CNTN6: variants seen among roughly 807,000 people sequenced by gnomAD.
CNTN6 encodes contactin 6, also known as contactin-6.
CNTN6 carries 137 observed loss-of-function variants against 122.8 expected under a neutral mutation model. The observed-to-expected ratio is 1.12, with a 90% confidence interval of 0.97 to 1.29. The LOEUF is 1.29. CNTN6 is among the 50% of genes most tolerant of loss of function. The pLI, the probability that CNTN6 is intolerant of heterozygous loss-of-function variation, is 0.00. For missense variants in CNTN6, 1,634 were observed against 1,223.4 expected, an observed-to-expected ratio of 1.34 and a Z score of -5.01; for synonymous variants, 570 against 426.0, an observed-to-expected ratio of 1.34 and a Z score of -4.16.
Position 1,228,291 on chromosome 3 carries a change from ATTCTTT to A in CNTN6, c.358+312_358+317del, listed in dbSNP as rs576589374. Among the ~76,000 whole-genome samples the A allele has an allele frequency of 3.1e-4, 47 of 152,262 alleles. 1 individual carries two copies. In the South Asian group the frequency reaches 7.9e-3, roughly 26 times the overall value. On this transcript the variant is annotated intron_variant, in intron 4 of 22. Transcript: ENST00000446702. Reference sequence around the variant, plus strand: ...TTAAGATAAAGATGTATGATATAGCATTCTTTTTCTTTTTCTTTTGCATTGGATATT... The same window carrying A: ...TTAAGATAAAGATGTATGATATAGCATTCTTTTTCTTTTGCATTGGATATT...
At position 1,353,401 on chromosome 3, in the gene CNTN6, A is replaced by G. The variant is rs974663032; in HGVS notation, c.1492+950A>G. On this transcript the variant is annotated intron_variant, in intron 12 of 22. Coordinates refer to ENST00000446702, the MANE Select transcript of CNTN6 (RefSeq NM_001289080.2). ...AAACACCCACCTTTGAGCCTGGAAG[A>G]TATTTCTGCCAACTTGTCTCAAGCG... Among the ~76,000 whole-genome samples the G allele has an allele frequency of 2.0e-5, 3 of 151,742 alleles. No homozygotes were observed. In the South Asian group the frequency reaches 6.2e-4, roughly 31 times the overall value.
At chr3:1,377,602 T>C (rs1710065170) in intron 17 of CNTN6, among the ~76,000 whole-genome samples, 1 of 152,208 alleles carries the variant, frequency 6.6e-6, no homozygotes, top group Non-Finnish European at 1.5e-5. Context: ...TGTGTACACT[T>C]CAAACTGGAG....
At chr3:1,130,526 G>A (rs973123371) in intron 1 of CNTN6, among the ~76,000 whole-genome samples, 4 of 152,200 alleles carry the variant, frequency 2.6e-5, no homozygotes, top group Middle Eastern at 3.4e-3. Flanking sequence ...CCTGAGCATT[G>A]TTCTGCACCA....
In CNTN6 at chr3:1,112,816, A is replaced by G. The variant is rs148040291; in HGVS notation, c.-83+19696A>G. On this transcript the variant is annotated intron_variant, in intron 1 of 22. Transcript: ENST00000446702. The stretch of plus-strand genomic sequence containing the variant: ...GTGTGAACCAAATTTCCAAGGGGCC[A>G]GACTCCCAGGCAGGTCACATAAATA... Among the ~76,000 whole-genome samples, 464 of 152,280 alleles carry G rather than the reference A, an allele frequency of 3.0e-3. 2 individuals are homozygous for G. The highest frequency in any genetic ancestry group is 0.011 in the African/African-American group (445 of 41,576).
intron 12 of CNTN6, among the ~76,000 whole-genome samples, chr3:1,368,349 T>A (rs1353625548): frequency 1.3e-5 from 2 of 152,164 alleles, no homozygotes; most frequent in East Asian, 1.9e-4. Context: ...TAAAACAGAT[T>A]TGTATAAAGA....
chr3:1,334,770 C>A (rs1304191089), intron 11 of CNTN6, among the ~76,000 whole-genome samples: 1 of 151,972 alleles, frequency 6.6e-6, no homozygotes, highest in Non-Finnish European at 1.5e-5. Context: ...CCACCACAAA[C>A]CTGGAATATA....
chr3:1,255,050 T>C (rs946984890), intron 4 of CNTN6, among the ~76,000 whole-genome samples: 2 of 152,152 alleles, frequency 1.3e-5, no homozygotes, highest in Non-Finnish European at 2.9e-5. Context: ...CTTCTGCACA[T>C]GGCCTCTCAT....
intron 1 of CNTN6, among the ~76,000 whole-genome samples, chr3:1,122,841 A>G (rs2092013671): frequency 1.3e-5 from 2 of 151,816 alleles, no homozygotes; most frequent in South Asian, 4.1e-4. Context: ...TTTGTTTGTT[A>G]GTTGAGCATT....
Position 1,292,457 on chromosome 3 carries a change from C to T in CNTN6, c.455-3144C>T, listed in dbSNP as rs138705212. On this transcript the variant is annotated intron_variant, in intron 5 of 22. Transcript: ENST00000446702. ...ACAAAATATTTCAGTCAATTGCATG[C>T]GTCATTTGGAGGGTGTCGAAAACAC... Among the ~76,000 whole-genome samples the T allele has an allele frequency of 3.5e-3, 537 of 152,146 alleles. 1 individual carries two copies. Among genetic ancestry groups the T allele is most frequent in the African/African-American group, 0.012 (492 of 41,516 alleles).
At chr3:1,346,905 C>T (rs11928188) in intron 11 of CNTN6, among the ~76,000 whole-genome samples, 22,488 of 152,120 alleles carry the variant, frequency 0.15, 1,773 homozygotes, top group South Asian at 0.16. Context: ...GTAATAGGTA[C>T]AAAGTCAGGC....
At chr3:1,100,403 ATATT>A (rs1358382790) in intron 1 of CNTN6, among the ~76,000 whole-genome samples, 1 of 152,150 alleles carries the variant, frequency 6.6e-6, no homozygotes, top group African/African-American at 2.4e-5. Flanking sequence ...TTTTGAATAA[ATATT>A]CGTCTTTTCA....
chr3:1,214,394 T>C lies in CNTN6; in HGVS notation c.56-6293T>C, dbSNP rs183978705. On this transcript the variant is annotated intron_variant, in intron 2 of 22. Coordinates refer to ENST00000446702, the MANE Select transcript of CNTN6 (RefSeq NM_001289080.2). ...CGTAATCTCAGCTCACTGCAACCTCTGCCTCCTGAGTTCAAGCGATTCTCC... is the reference window on the plus strand; with the variant it reads ...CGTAATCTCAGCTCACTGCAACCTCCGCCTCCTGAGTTCAAGCGATTCTCC... Among the ~76,000 whole-genome samples, 211 of 141,592 alleles carry C rather than the reference T, an allele frequency of 1.5e-3. 3 individuals carry two copies. Among genetic ancestry groups the C allele is most frequent in the Non-Finnish European group, 2.2e-3 (147 of 66,252 alleles). The allele number at this position is 141,592 out of a possible 152,430, so 92.9% of individuals were successfully genotyped here.
At chr3:1,140,172 C>T (rs2092576315) in intron 1 of CNTN6, among the ~76,000 whole-genome samples, 1 of 152,200 alleles carries the variant, frequency 6.6e-6, no homozygotes, top group Non-Finnish European at 1.5e-5. Flanking sequence ...AAAGTCAACA[C>T]TACAAATCCT....
chr3:1,313,920 G>T (rs535100865), intron 7 of CNTN6, among the ~76,000 whole-genome samples: 1 of 151,914 alleles, frequency 6.6e-6, no homozygotes, highest in Non-Finnish European at 1.5e-5. Context: ...AGCTCCCTCC[G>T]ATCTATTTTA....
At chr3:1,143,013 C>G (rs984546400) in intron 1 of CNTN6, among the ~76,000 whole-genome samples, 1 of 123,924 alleles carries the variant, frequency 8.1e-6, no homozygotes, top group African/African-American at 3.3e-5. Context: ...TGTATATGCC[C>G]AATGAACAAT....
At chr3:1,102,377 A>AAG (rs1484507763) in intron 1 of CNTN6, among the ~76,000 whole-genome samples, 3 of 152,194 alleles carry the variant, frequency 2.0e-5, no homozygotes, top group Admixed American at 1.3e-4. Context: ...CAGTAAATGA[A>AAG]AGAGAAACTC....
chr3:1,120,619 G>C (rs1406428908), intron 1 of CNTN6, among the ~76,000 whole-genome samples: 1 of 151,788 alleles, frequency 6.6e-6, no homozygotes, highest in African/African-American at 2.4e-5. Context: ...CTGAAGAGCA[G>C]GTAGTCTTAA....
intron 2 of CNTN6, among the ~76,000 whole-genome samples, chr3:1,215,828 C>A (rs1277146220): frequency 1.3e-5 from 2 of 151,138 alleles, no homozygotes; most frequent in African/African-American, 4.8e-5. Flanking sequence ...TTTATTATAT[C>A]TGGGAACAAT....
At chr3:1,131,482 A>T (rs1574960896) in intron 1 of CNTN6, among the ~76,000 whole-genome samples, 1 of 152,260 alleles carries the variant, frequency 6.6e-6, no homozygotes, top group Non-Finnish European at 1.5e-5. Context: ...GCCCCAGAAG[A>T]CAGGGAAGCA....
Sources: gnomAD v4.1 joint callset for allele counts (sites outside exome capture counted in the v4.1 genomes callset) on GRCh38, gnomAD v4.1.1 for gene constraint, MANE v1.5 for transcripts, NCBI Gene and HGNC (gene_info 2026-07-23, HGNC 2026-07-21) for gene names.